CUX2: variants seen among roughly 807,000 people sequenced by gnomAD.
CUX2 encodes cut like homeobox 2.
In CUX2, 40 loss-of-function variants were observed where a neutral mutation model predicts 144.8. That is an observed-to-expected ratio of 0.28 (90% CI 0.21 to 0.36). The LOEUF (loss-of-function observed/expected upper bound fraction) is 0.36, where lower values mean the gene tolerates loss of function less well. Ranked by LOEUF, CUX2 falls within the 10% of genes least tolerant of loss-of-function variation. CUX2 has a pLI of 1.00. For synonymous variants in CUX2, 827 were observed against 875.6 expected (o/e 0.94, Z 0.98); for missense variants, 1,615 against 1,994.0 (o/e 0.81, Z 3.62).
At chr12:111,050,664 T>A (rs1870219501) in intron 1 of CUX2, among the ~76,000 whole-genome samples, 1 of 152,104 alleles carries the variant, frequency 6.6e-6, no homozygotes, top group South Asian at 2.1e-4. Context: ...AGATACCTCC[T>A]GCATCCCATC....
chr12:111,288,209 C>T (rs943898967), intron 4 of CUX2, among the ~76,000 whole-genome samples: 36 of 152,062 alleles, frequency 2.4e-4, no homozygotes, highest in Middle Eastern at 3.4e-3. Flanking sequence ...CAAAGGTTCT[C>T]GTGCAAAGGG....
intron 3 of CUX2, among the ~76,000 whole-genome samples, chr12:111,226,200 TC>T (rs1375649557): frequency 6.6e-6 from 1 of 152,228 alleles, no homozygotes; most frequent in African/African-American, 2.4e-5. Flanking sequence ...TGCCTCGGCC[TC>T]CCAAAGTGCT....
chr12:111,306,068 G>A (rs1427756184), intron 10 of CUX2, among the ~76,000 whole-genome samples: 1 of 152,090 alleles, frequency 6.6e-6, no homozygotes, highest in East Asian at 1.9e-4. Context: ...GGAGAGAGAT[G>A]GAGAGTGAGA....
At chr12:111,199,421 C>A (rs1042239758) in intron 1 of CUX2, among the ~76,000 whole-genome samples, 1 of 152,100 alleles carries the variant, frequency 6.6e-6, no homozygotes, top group Admixed American at 6.5e-5. Context: ...ATCCCCATTG[C>A]GCAGATTAGG....
intron 1 of CUX2, among the ~76,000 whole-genome samples, chr12:111,208,623 T>C (rs1162116278): frequency 6.6e-6 from 1 of 152,194 alleles, no homozygotes; most frequent in African/African-American, 2.4e-5. Flanking sequence ...TTCTCATCTT[T>C]AAATGGGAGA....
intron 1 of CUX2, among the ~76,000 whole-genome samples, chr12:111,069,677 C>T (rs148166354): frequency 1.3e-5 from 2 of 152,184 alleles, no homozygotes; most frequent in Non-Finnish European, 2.9e-5. Context: ...CTCCCTGTGT[C>T]TTCACATGGT....
In CUX2 at chr12:111,183,893, AC is replaced by A. The variant is rs139642583; in HGVS notation, c.64-30305del. 7.3e-3 allele frequency among the ~76,000 whole-genome samples: 1,112 copies of A among 152,046 alleles called. 14 individuals are homozygous for A. Among genetic ancestry groups the A allele is most frequent in the African/African-American group, 0.026 (1,074 of 41,460 alleles). ...GGTCAAGGCAAAGAGGTATCAAGTG[AC>A]CTCCTTGAAGTTACTGTGAGACTTT... is the stretch of plus-strand genomic sequence containing the variant. On this transcript the variant is annotated intron_variant, in intron 1 of 21. Transcript: ENST00000261726.
At chr12:111,253,530 C>T (rs141938128) in intron 3 of CUX2, among the ~76,000 whole-genome samples, 4 of 152,300 alleles carry the variant, frequency 2.6e-5, no homozygotes, top group Non-Finnish European at 2.9e-5. Flanking sequence ...CTACTCCATT[C>T]TCCTCCCCTG....
intron 18 of CUX2, among the ~76,000 whole-genome samples, chr12:111,323,188 A>G (rs1316549844): frequency 6.6e-6 from 1 of 152,206 alleles, no homozygotes; most frequent in Non-Finnish European, 1.5e-5. Context: ...CTGCACTGGA[A>G]TGAGGGCACG....
intron 3 of CUX2, among the ~76,000 whole-genome samples, chr12:111,242,740 G>A (rs907743082): frequency 1.3e-5 from 2 of 152,142 alleles, no homozygotes; most frequent in Non-Finnish European, 2.9e-5. Flanking sequence ...CTTGAACCTG[G>A]GAGGCAGAGG....
At chr12:111,084,238 C>T (rs2136045983) in intron 1 of CUX2, among the ~76,000 whole-genome samples, 1 of 152,274 alleles carries the variant, frequency 6.6e-6, no homozygotes, top group South Asian at 2.1e-4. Flanking sequence ...GGCTGGTGGG[C>T]ATTCTCTGAG....
chr12:111,239,152 C>T (rs560625541), intron 3 of CUX2, among the ~76,000 whole-genome samples: 1 of 152,308 alleles, frequency 6.6e-6, no homozygotes, highest in African/African-American at 2.4e-5. Flanking sequence ...CAGAACGCCT[C>T]TCCTTATTCT....
intron 1 of CUX2, among the ~76,000 whole-genome samples, chr12:111,133,465 C>G (rs1339244964): frequency 6.6e-6 from 1 of 152,130 alleles, no homozygotes; most frequent in Admixed American, 6.5e-5. Context: ...AATGAAGAAG[C>G]AAAAACGGAA....
intron 1 of CUX2, among the ~76,000 whole-genome samples, chr12:111,156,593 G>A (rs949124234): frequency 5.9e-5 from 9 of 152,112 alleles, no homozygotes; most frequent in African/African-American, 2.2e-4. Context: ...ACTCCTGAAG[G>A]TCCCTGCCAC....
chr12:111,213,928 A>T (rs1379630411), intron 1 of CUX2, among the ~76,000 whole-genome samples: 14 of 151,800 alleles, frequency 9.2e-5, no homozygotes. Flanking sequence ...GGAAAAAAAA[A>T]ACAACCAACT....
intron 1 of CUX2, among the ~76,000 whole-genome samples, chr12:111,102,764 C>T (rs556531819): frequency 2.6e-4 from 40 of 152,234 alleles, no homozygotes; most frequent in Admixed American, 1.5e-3. Context: ...GCTCCTTAAC[C>T]TCTCTGAGCC....
At chr12:111,279,436 G>C (rs1426693990) in intron 4 of CUX2, among the ~76,000 whole-genome samples, 5 of 152,186 alleles carry the variant, frequency 3.3e-5, no homozygotes, top group Non-Finnish European at 7.3e-5. Flanking sequence ...TCTAAATGTG[G>C]CCTCATTTGG....
Position 111,241,943 on chromosome 12 carries a change from C to G in CUX2, c.223-21818C>G, listed in dbSNP as rs114848110. On this transcript the variant is annotated intron_variant, in intron 3 of 21. Coordinates refer to ENST00000261726, the MANE Select transcript of CUX2 (RefSeq NM_015267.4). Reference sequence around the variant, plus strand: ...TTCCTCTTTCAATGTACAAGATGGGCTGATAGTTTGAAAAGTCATGAAAAG... The same window carrying G: ...TTCCTCTTTCAATGTACAAGATGGGGTGATAGTTTGAAAAGTCATGAAAAG... 4.4e-3 allele frequency among the ~76,000 whole-genome samples: 673 copies of G among 152,368 alleles called. 4 individuals are homozygous for G. Among genetic ancestry groups the G allele is most frequent in the African/African-American group, 0.015 (621 of 41,588 alleles).
intron 1 of CUX2, among the ~76,000 whole-genome samples, chr12:111,132,439 G>A (rs1875551859): frequency 6.6e-6 from 1 of 151,942 alleles, no homozygotes; most frequent in Non-Finnish European, 1.5e-5. Context: ...TTAACATTAG[G>A]CTCCTTGCTA....
Sources: gnomAD v4.1 joint callset for allele counts (sites outside exome capture counted in the v4.1 genomes callset) on GRCh38, gnomAD v4.1.1 for gene constraint, MANE v1.5 for transcripts, NCBI Gene and HGNC (gene_info 2026-07-23, HGNC 2026-07-21) for gene names.